Variants in DYNC2I1 observed in about 807,000 individuals in gnomAD.
DYNC2I1 encodes dynein 2 intermediate chain 1.
A neutral mutation model predicts 133.4 loss-of-function variants in DYNC2I1; 89 were observed. The observed-to-expected ratio is 0.67, with a 90% CI of 0.56 to 0.80. DYNC2I1 has a LOEUF of 0.80. Among genes scored for constraint, DYNC2I1 ranks in the 30% least tolerant of loss-of-function variants. DYNC2I1 has a pLI of 0.00. For missense variants in DYNC2I1, 1,291 were observed against 1,314.5 expected (o/e 0.98, Z 0.28); for synonymous variants, 504 against 484.3 (o/e 1.04, Z -0.54).
chr7:158,934,690 C>G (rs1000993680), intron 23 of DYNC2I1, 141 bp downstream of exon 23: 2 of 802,554 alleles, frequency 2.5e-6, no homozygotes, highest in African/African-American at 3.5e-5. Flanking sequence ...AAATGACCCT[C>G]CCACCTCAGC....
chr7:158,885,241 C>T (rs560163921), intron 6 of DYNC2I1, among the ~76,000 whole-genome samples: 1 of 152,184 alleles, frequency 6.6e-6, no homozygotes, highest in South Asian at 2.1e-4. Flanking sequence ...AATTTCCTGT[C>T]TACCTCTTAG....
At position 158,941,904 on chromosome 7, in the gene DYNC2I1, GTTC is replaced by G. The variant is rs1188122945; in HGVS notation, c.2779-18_2779-16del. 6.3e-7 allele frequency: 1 copy of G among 1,576,772 alleles called. No homozygotes were observed. On this transcript the variant is annotated intron_variant, in intron 23 of 24. Transcript: ENST00000407559. ...AAAGAAAAAGGCCATGCTCAGCAGT[GTTC>G]TTTCTTCCTGGTCATAGGCCGGCTG...
chr7:158,928,019 TTTTGGA>T (rs1849792758), intron 20 of DYNC2I1, among the ~76,000 whole-genome samples: 1 of 152,144 alleles, frequency 6.6e-6, no homozygotes, highest in South Asian at 2.1e-4. Context: ...TTCCTCTCAG[TTTTGGA>T]TTTACAACCC....
At chr7:158,871,008 G>T in intron 2 of DYNC2I1, 134 bp from the exon 3 acceptor site, 2 of 1,023,140 alleles carry the variant, frequency 2.0e-6, no homozygotes. Flanking sequence ...ATTGGAAACT[G>T]GGATTGGAAA....
chr7:158,858,214 A>T (rs1340124370), intron 1 of DYNC2I1, among the ~76,000 whole-genome samples: 1 of 152,168 alleles, frequency 6.6e-6, no homozygotes, highest in African/African-American at 2.4e-5. Flanking sequence ...TATTCTCTTT[A>T]CATTTCTTTA....
chr7:158,891,353 T>TC lies in DYNC2I1; in HGVS notation c.1059+20_1059+21insC. The TC allele has an allele frequency of 6.2e-7, 1 of 1,614,004 alleles. No individual in the cohort carries two copies. ...ACCGTGGTAAGGAGAGTACGTCTTC[T>TC]TATAGTTTGCAATCCTGTCCCAGCA... On this transcript the variant is annotated intron_variant, in intron 8 of 24. Coordinates refer to ENST00000407559, the MANE Select transcript of DYNC2I1 (RefSeq NM_018051.5).
chr7:158,922,271 GT>G (rs1849175621), intron 15 of DYNC2I1, 105 bp from the exon 16 acceptor site: 2 of 1,169,588 alleles, frequency 1.7e-6, no homozygotes, highest in Non-Finnish European at 2.4e-6. Flanking sequence ...GACCACGTTT[GT>G]TTCTTCATGA....
chr7:158,946,696 C>T (rs1851895719), downstream of DYNC2I1, among the ~76,000 whole-genome samples: 1 of 152,224 alleles, frequency 6.6e-6, no homozygotes, highest in African/African-American at 2.4e-5. Flanking sequence ...ACATTCAAAC[C>T]ATAGCACAAA....
upstream of DYNC2I1, among the ~76,000 whole-genome samples, chr7:158,854,086 C>T (rs534003546): frequency 9.2e-5 from 14 of 152,112 alleles, no homozygotes; most frequent in Admixed American, 7.9e-4. Flanking sequence ...TCAGGGAATC[C>T]AAGCTGTCTT....
intron 17 of DYNC2I1, among the ~76,000 whole-genome samples, chr7:158,924,247 CCCCTGATAG>C (rs1419099901): frequency 6.6e-6 from 1 of 152,204 alleles, no homozygotes; most frequent in African/African-American, 2.4e-5. Context: ...TCATTTAATT[CCCCTGATAG>C]CCCTGTATCC....
At chr7:158,878,403 G>A (rs1843599741) in intron 4 of DYNC2I1, among the ~76,000 whole-genome samples, 2 of 143,298 alleles carry the variant, frequency 1.4e-5, no homozygotes, top group Admixed American at 1.4e-4. Context: ...GGTGCCATGT[G>A]GGGAGGCCAG....
intron 14 of DYNC2I1, among the ~76,000 whole-genome samples, chr7:158,914,714 C>T (rs1261895637): frequency 6.6e-6 from 1 of 152,140 alleles, no homozygotes; most frequent in Non-Finnish European, 1.5e-5. Context: ...AAAATCCATA[C>T]AAAGAGACAT....
intron 3 of DYNC2I1, among the ~76,000 whole-genome samples, chr7:158,873,391 T>C (rs1159536390): frequency 1.3e-5 from 2 of 152,200 alleles, no homozygotes; most frequent in Non-Finnish European, 2.9e-5. Context: ...CCATTAGATG[T>C]CTCTTATAGA....
rs1435997364 is a variant in DYNC2I1, at chr7:158,922,679, C to T, written c.2094+130C>T. 4.6e-6 allele frequency: 4 copies of T among 865,952 alleles called. No homozygotes were observed. In the African/African-American group the frequency reaches 6.8e-5, roughly 15 times the overall value. The allele number at this position is 865,952 out of a possible 1,614,324, so 53.6% of individuals were successfully genotyped here. A position where few individuals can be genotyped will look rare whatever the true frequency, so the allele number is the denominator to read the frequency against. ...GGTGGGTAGGGACTTATGGGCCATTCTCTGTCTCTCACAGCTGGCCTCAGC... is the reference window on the plus strand; with the variant it reads ...GGTGGGTAGGGACTTATGGGCCATTTTCTGTCTCTCACAGCTGGCCTCAGC... On this transcript the variant is annotated intron_variant, in intron 16 of 24. Transcript: ENST00000407559.
chr7:158,883,979 T>C (rs184402423), intron 5 of DYNC2I1, among the ~76,000 whole-genome samples: 8 of 148,186 alleles, frequency 5.4e-5, no homozygotes, highest in Non-Finnish European at 9.0e-5. Flanking sequence ...ACTTCTTTAA[T>C]AGAAGAATCC....
Position 158,899,807 on chromosome 7 carries a change from T to C in DYNC2I1, c.1060-1932T>C, listed in dbSNP as rs150188201. Among the ~76,000 whole-genome samples the C allele has an allele frequency of 1.1e-3, 174 of 152,332 alleles. 1 individual carries two copies. Among genetic ancestry groups the C allele is most frequent in the African/African-American group, 4.0e-3 (165 of 41,572 alleles). ...TGATTCTGAGGCCTCCCCAGCCATG[T>C]GGAACTGTAAGTCCAATGAAACCTC... On this transcript the variant is annotated intron_variant, in intron 8 of 24. Transcript: ENST00000407559.
At chr7:158,919,797 A>C (rs748608156) in intron 15 of DYNC2I1, among the ~76,000 whole-genome samples, 9 of 152,196 alleles carry the variant, frequency 5.9e-5, no homozygotes, top group Non-Finnish European at 2.9e-5. Context: ...AAAAATAATA[A>C]ATCTCTGTAC....
chr7:158,910,026 G>A (rs188936498), intron 11 of DYNC2I1, among the ~76,000 whole-genome samples: 12 of 152,242 alleles, frequency 7.9e-5, no homozygotes, highest in African/African-American at 1.9e-4. Context: ...TCGTTCACTC[G>A]GTCATTCACT....
intron 8 of DYNC2I1, among the ~76,000 whole-genome samples, chr7:158,893,363 T>C (rs1480060327): frequency 4.6e-5 from 7 of 152,162 alleles, no homozygotes; most frequent in Admixed American, 6.5e-5. Flanking sequence ...AGTAAACCCA[T>C]AGTGAGTTGA....
Sources: gnomAD v4.1 joint callset for allele counts (sites outside exome capture counted in the v4.1 genomes callset) on GRCh38, gnomAD v4.1.1 for gene constraint, MANE v1.5 for transcripts, NCBI Gene and HGNC (gene_info 2026-07-23, HGNC 2026-07-21) for gene names.